The following NFATC2 variants were observed in gnomAD, a reference collection of about 807,000 sequenced individuals.
NFATC2 encodes nuclear factor of activated T cells 2.
A neutral mutation model predicts 87.3 loss-of-function variants in NFATC2; 22 were observed. The ratio of observed to expected loss-of-function variants is 0.25; its 90% CI spans 0.18 to 0.36. NFATC2 has a LOEUF of 0.36. Among genes scored for constraint, NFATC2 ranks in the 10% least tolerant of loss-of-function variants. The pLI is 1.00. For synonymous variants in NFATC2, 565 were observed against 542.2 expected (o/e 1.04, Z -0.58); for missense variants, 1,149 against 1,259.1 (o/e 0.91, Z 1.32).
At chr20:51,522,197 A>AT (rs2076456093) in intron 2 of NFATC2, among the ~76,000 whole-genome samples, 1 of 146,672 alleles carries the variant, frequency 6.8e-6, no homozygotes, top group African/African-American at 2.5e-5. Flanking sequence ...CATCTAATCC[A>AT]TTTTTTAAAA....
chr20:51,416,850 G>T (rs1050772815), intron 9 of NFATC2, among the ~76,000 whole-genome samples: 1 of 152,140 alleles, frequency 6.6e-6, no homozygotes, highest in African/African-American at 2.4e-5. Context: ...TGAGCATGGG[G>T]GCCAGAGGGA....
chr20:51,529,954 A>T lies in NFATC2; in HGVS notation c.131-5844T>A, dbSNP rs114042609. ...CGCCAATGCTTCTGCGGTATAACTCATATACACAGATGTCAGTGTTTTGAG... is the reference window on the plus strand; with the variant it reads ...CGCCAATGCTTCTGCGGTATAACTCTTATACACAGATGTCAGTGTTTTGAG... On this transcript the variant is annotated intron_variant, in intron 1 of 10. Transcript: ENST00000371564. 2.6e-3 allele frequency among the ~76,000 whole-genome samples: 389 copies of T among 152,270 alleles called. 3 individuals carry two copies. The highest frequency in any genetic ancestry group is 8.5e-3 in the African/African-American group (354 of 41,544).
At chr20:51,516,739 A>G in intron 3 of NFATC2, 45 bp downstream of exon 3, 1 of 1,547,690 alleles carries the variant, frequency 6.5e-7, no homozygotes, top group South Asian at 1.2e-5. Flanking sequence ...TGAATCTCTT[A>G]GTGACAAACA....
intron 2 of NFATC2, among the ~76,000 whole-genome samples, chr20:51,519,522 G>C (rs894294213): frequency 1.8e-4 from 27 of 152,004 alleles, no homozygotes; most frequent in Non-Finnish European, 2.6e-4. Context: ...TACTCGGGAG[G>C]CTGAGGCAGG....
At chr20:51,549,282 G>GTTTT (rs1255496111) in intron 1 of NFATC2, among the ~76,000 whole-genome samples, 18 of 152,122 alleles carry the variant, frequency 1.2e-4, no homozygotes, top group African/African-American at 4.1e-4. Context: ...TTGTTTGTTT[G>GTTTT]TTTGTTTGAG....
intron 6 of NFATC2, among the ~76,000 whole-genome samples, chr20:51,446,525 G>C (rs952649893): frequency 2.6e-5 from 4 of 152,132 alleles, no homozygotes; most frequent in Non-Finnish European, 5.9e-5. Context: ...AAAGGCCTTT[G>C]GTACCAGGAA....
chr20:51,406,114 G>A (rs1988540081), intron 9 of NFATC2, among the ~76,000 whole-genome samples: 1 of 152,172 alleles, frequency 6.6e-6, no homozygotes, highest in Non-Finnish European at 1.5e-5. Flanking sequence ...GTCATCCCAT[G>A]AAGTAGGTAT....
chr20:51,397,379 G>A (rs1470845903), intron 10 of NFATC2, among the ~76,000 whole-genome samples: 2 of 152,204 alleles, frequency 1.3e-5, no homozygotes, highest in Non-Finnish European at 2.9e-5. Flanking sequence ...GTAGCCCAGA[G>A]CTGTGGGTGG....
At chr20:51,467,518 T>C (rs1242156968) in intron 5 of NFATC2, among the ~76,000 whole-genome samples, 4 of 151,744 alleles carry the variant, frequency 2.6e-5, no homozygotes, top group Non-Finnish European at 5.9e-5. Flanking sequence ...GATCATGCCA[T>C]TGCACTCCAG....
At chr20:51,418,397 G>GT (rs1357212002) in intron 9 of NFATC2, among the ~76,000 whole-genome samples, 3 of 152,218 alleles carry the variant, frequency 2.0e-5, no homozygotes, top group Non-Finnish European at 4.4e-5. Flanking sequence ...CTGGCATCCG[G>GT]TGCATTGAGG....
intron 3 of NFATC2, among the ~76,000 whole-genome samples, chr20:51,479,388 T>C (rs1989030651): frequency 6.6e-6 from 1 of 151,936 alleles, no homozygotes; most frequent in Non-Finnish European, 1.5e-5. Flanking sequence ...GAGGCCAAGG[T>C]GGGTAGATCT....
intron 9 of NFATC2, chr20:51,399,008 G>A (rs1021511461): frequency 1.5e-5 from 5 of 340,918 alleles, no homozygotes; most frequent in Non-Finnish European, 2.7e-5. Context: ...CAAAAGGGCT[G>A]CTGTGGGTAT....
chr20:51,499,817 A>G (rs1193297470), intron 3 of NFATC2, among the ~76,000 whole-genome samples: 2 of 152,094 alleles, frequency 1.3e-5, no homozygotes, highest in Admixed American at 6.6e-5. Flanking sequence ...TAAAAGCTTT[A>G]CCTCAGGCAA....
intron 1 of NFATC2, among the ~76,000 whole-genome samples, chr20:51,536,512 A>G (rs1279282164): frequency 6.6e-6 from 1 of 152,154 alleles, no homozygotes; most frequent in Non-Finnish European, 1.5e-5. Flanking sequence ...CATTTTTCAA[A>G]TGTATTTAAC....
intron 3 of NFATC2, among the ~76,000 whole-genome samples, chr20:51,507,439 G>T (rs1233589429): frequency 6.6e-6 from 1 of 152,146 alleles, no homozygotes; most frequent in Non-Finnish European, 1.5e-5. Context: ...GGAATCTAAG[G>T]CTCGTAGAGC....
At chr20:51,509,099 T>A (rs1288445097) in intron 3 of NFATC2, among the ~76,000 whole-genome samples, 1 of 151,910 alleles carries the variant, frequency 6.6e-6, no homozygotes, top group Non-Finnish European at 1.5e-5. Flanking sequence ...TCAGCCCTGC[T>A]CTCTCCTCAG....
intron 3 of NFATC2, among the ~76,000 whole-genome samples, chr20:51,476,142 A>G (rs1461013881): frequency 6.7e-6 from 1 of 149,132 alleles, no homozygotes; most frequent in Non-Finnish European, 1.5e-5. Context: ...TTAGTTATAT[A>G]TGTATACATG....
At position 51,474,041 on chromosome 20, in the gene NFATC2, G is replaced by A. The variant is rs1379388181; in HGVS notation, c.1647C>T (p.His549=). The A allele has an allele frequency of 1.9e-6, 3 of 1,614,256 alleles. No homozygotes were observed. The highest frequency in any genetic ancestry group is 2.2e-5 in the East Asian group (1 of 44,892). ...NTRVRLVFRV[H]IPESSGRIVS... ...CGATTCTGCCACTGGACTCTGGGAT[G>A]TGAACTCGGAAAACCAGTCTCACCC... The change falls in exon 5 of 11, where the codon CAC becomes CAT. Residue 549 remains histidine, a synonymous_variant. Coordinates refer to ENST00000371564, the MANE Select transcript of NFATC2 (RefSeq NM_012340.5).
chr20:51,408,594 C>T (rs79060192), intron 9 of NFATC2, among the ~76,000 whole-genome samples: 5,060 of 149,916 alleles, frequency 0.034, 311 homozygotes, highest in African/African-American at 0.12. Flanking sequence ...CAACAGATTA[C>T]ATCTTCTGAA....
Sources: gnomAD v4.1 joint callset for allele counts (sites outside exome capture counted in the v4.1 genomes callset) on GRCh38, gnomAD v4.1.1 for gene constraint, MANE v1.5 for transcripts, NCBI Gene and HGNC (gene_info 2026-07-23, HGNC 2026-07-21) for gene names.